Variants in DMAC2L observed in about 807,000 individuals in gnomAD.
DMAC2L encodes the protein distal membrane arm assembly component 2 like.
DMAC2L carries 21 observed loss-of-function variants against 22.5 expected under a neutral mutation model. The ratio of observed to expected loss-of-function variants is 0.93; its 90% CI spans 0.66 to 1.34. The LOEUF (loss-of-function observed/expected upper bound fraction) is 1.34, where lower values mean the gene tolerates loss of function less well. Among genes scored for constraint, DMAC2L ranks in the 40% most tolerant of loss-of-function variants. DMAC2L has a pLI of 0.00. For synonymous variants in DMAC2L, 86 were observed against 89.5 expected (o/e 0.96, Z 0.22); for missense variants, 239 against 246.5 (o/e 0.97, Z 0.20).
intron 5 of DMAC2L, 84 bp from the exon 6 acceptor site, chr14:50,325,525 T>C (rs2032655335): frequency 1.4e-6 from 2 of 1,439,278 alleles, no homozygotes; most frequent in Admixed American, 2.2e-5. Context: ...ATTTTCTACA[T>C]AATTTTCTTT....
intron 2 of DMAC2L, chr14:50,319,396 C>A: frequency 1.3e-6 from 2 of 1,494,210 alleles, no homozygotes; most frequent in Non-Finnish European, 1.8e-6. Flanking sequence ...CCCTCTCAGG[C>A]ATCTTTCTAG....
In DMAC2L at chr14:50,326,042, C is replaced by G. The variant is rs1019060223; in HGVS notation, c.*319C>G. 2.1e-6 allele frequency: 1 copy of G among 487,332 alleles called. No individual in the cohort carries two copies. Among genetic ancestry groups the G allele is most frequent in the Non-Finnish European group, 2.7e-6 (1 of 370,480 alleles). 30.2% of individuals were successfully genotyped at this position (487,332 alleles called of 1,614,324 possible). Reference sequence around the variant, plus strand: ...GTCAGGAGTTCAAGACCAACCATGGCCAACATGGTGAAACCCCATCTCTAC... The same window carrying G: ...GTCAGGAGTTCAAGACCAACCATGGGCAACATGGTGAAACCCCATCTCTAC... On this transcript the variant is annotated 3_prime_UTR_variant, in exon 6 of 6. Coordinates refer to ENST00000557421, the MANE Select transcript of DMAC2L (RefSeq NM_001382507.1).
At chr14:50,324,171 A>G in intron 5 of DMAC2L, 55 bp downstream of exon 5, 2 of 1,506,432 alleles carry the variant, frequency 1.3e-6, no homozygotes, top group Non-Finnish European at 1.8e-6. Flanking sequence ...GTGAATAGTT[A>G]GAATTTAATT....
In DMAC2L at chr14:50,325,719, A is replaced by C. The variant is rs765359072; in HGVS notation, c.599A>C (p.Lys200Thr). The C allele has an allele frequency of 6.2e-7, 1 of 1,609,130 alleles. No homozygotes were observed. Among genetic ancestry groups the C allele is most frequent in the Non-Finnish European group, 8.5e-7 (1 of 1,178,042 alleles). ...TCTCTGGAACTAAAATTACAATTGA[A>C]GTAAAATAATGTGTCTTATTTCAGT... is the stretch of plus-strand genomic sequence containing the variant. ...LPSLELKLQLK is the reference protein window; with the variant it reads ...LPSLELKLQLT Residue 200 changes from lysine to threonine, a missense_variant, in exon 6 of 6, where the codon AAG becomes ACG. Transcript: ENST00000557421.
chr14:50,320,118 G>T (rs1353628905), intron 2 of DMAC2L, among the ~76,000 whole-genome samples: 1 of 152,010 alleles, frequency 6.6e-6, no homozygotes. Context: ...TTGAGATGGA[G>T]TCTCACTCTG....
rs1235742394 is a variant in DMAC2L at position 50,323,999 on chromosome 14, A to G, written c.371A>G (p.Asp124Gly). The G allele has an allele frequency of 1.2e-6, 2 of 1,614,054 alleles. No homozygotes were observed. The highest frequency in any genetic ancestry group is 4.5e-5 in the East Asian group (2 of 44,854). ...IRLCKCHYIE[D>G]DCLLRLSQLE... ...CTGTGCAAGTGTCATTATATCGAGG[A>G]TGACTGTTTGCTGAGACTTAGTCAA... Residue 124 changes from aspartate to glycine, a missense_variant, in exon 5 of 6, where the codon GAT (aspartate) becomes GGT (glycine). Physicochemically the swap from Asp to Gly is moderately conservative, Grantham distance 94 (BLOSUM62 -1). Coordinates refer to ENST00000557421, the MANE Select transcript of DMAC2L (RefSeq NM_001382507.1).
intron 3 of DMAC2L, among the ~76,000 whole-genome samples, chr14:50,322,177 G>A (rs2032328142): frequency 6.6e-6 from 1 of 152,148 alleles, no homozygotes; most frequent in Admixed American, 6.5e-5. Context: ...ACCAAGTATA[G>A]TCATTCGTAG....
rs893791682 is a variant in DMAC2L, at chr14:50,312,329, G to A, written c.-102G>A. The A allele has an allele frequency of 4.7e-6, 4 of 853,760 alleles. No individual in the cohort carries two copies. Among genetic ancestry groups the A allele is most frequent in the African/African-American group, 1.7e-5 (1 of 59,162 alleles). 52.9% of individuals were successfully genotyped at this position (853,760 alleles called of 1,614,324 possible). A position where few individuals can be genotyped will look rare whatever the true frequency, so the allele number is the denominator to read the frequency against. ...CGCGCGCGTCGGAGGGCGAAGGGCC[G>A]GCCAGGGTGCCGCAGACGCGGGGAC... On this transcript the variant is annotated 5_prime_UTR_variant, in exon 1 of 6. Coordinates refer to ENST00000557421, the MANE Select transcript of DMAC2L (RefSeq NM_001382507.1).
At chr14:50,316,606 A>G (rs543007851) in intron 2 of DMAC2L, among the ~76,000 whole-genome samples, 5 of 152,310 alleles carry the variant, frequency 3.3e-5, no homozygotes, top group Non-Finnish European at 7.4e-5. Flanking sequence ...TCATTCTCCT[A>G]CATGTGGCTT....
At position 50,327,446 on chromosome 14, in the gene DMAC2L, T is replaced by C. The variant is rs1191016379; in HGVS notation, c.*1723T>C. The stretch of plus-strand genomic sequence containing the variant: ...GCCAGTTTGTTTATAGATTTCTGTG[T>C]GTTTGATTTGAACTTTTTTTTTTTT... On this transcript the variant is annotated 3_prime_UTR_variant, in exon 6 of 6. Transcript: ENST00000557421. The C allele has an allele frequency of 2.0e-5, 3 of 151,164 alleles. No individual in the cohort carries two copies. Among genetic ancestry groups the C allele is most frequent in the South Asian group, 4.2e-4 (2 of 4,800 alleles). 9.4% of individuals were successfully genotyped at this position (151,164 alleles called of 1,614,324 possible).
At chr14:50,325,469 C>A in intron 5 of DMAC2L, 140 bp from the exon 6 acceptor site, 1 of 930,066 alleles carries the variant, frequency 1.1e-6, no homozygotes, top group Non-Finnish European at 1.5e-6. Context: ...ATCTCTAAGG[C>A]TACTGCTCTA....
At chr14:50,321,395 C>T (rs2032257994) in intron 2 of DMAC2L, 88 bp from the exon 3 acceptor site, 1 of 1,484,436 alleles carries the variant, frequency 6.7e-7, no homozygotes, top group Non-Finnish European at 9.0e-7. Flanking sequence ...TCAGCTTTAT[C>T]AGTACAAGAG....
chr14:50,314,668 G>A (rs1227161883), intron 2 of DMAC2L, 42 bp downstream of exon 2: 1 of 453,756 alleles, frequency 2.2e-6, no homozygotes, highest in African/African-American at 2.0e-5. Context: ...TTGAGACAGG[G>A]TTATGCTCTG....
chr14:50,326,228 A>ATT lies in DMAC2L; in HGVS notation c.*505_*506insTT, dbSNP rs2032695281. ...TGGGTGACAGAGCGAGACTGTCTCAAAAAAAAAAAAAAAAGAAAAATGTAA... is the reference window on the plus strand; with the variant it reads ...TGGGTGACAGAGCGAGACTGTCTCAATTAAAAAAAAAAAAAAGAAAAATGTAA... On this transcript the variant is annotated 3_prime_UTR_variant, in exon 6 of 6. Transcript: ENST00000557421. The ATT allele has an allele frequency of 1.2e-5, 1 of 86,950 alleles. No individual in the cohort carries two copies. The highest frequency in any genetic ancestry group is 4.3e-4 in the South Asian group (1 of 2,334). 5.4% of individuals were successfully genotyped at this position (86,950 alleles called of 1,614,324 possible).
intron 1 of DMAC2L, chr14:50,312,985 C>T (rs2031387607): frequency 5.6e-6 from 9 of 1,613,930 alleles, no homozygotes; most frequent in South Asian, 2.2e-5. Context: ...AAGTCTGTGT[C>T]CTTTTCTTGA....
intron 2 of DMAC2L, among the ~76,000 whole-genome samples, chr14:50,317,144 C>G (rs2031871613): frequency 2.0e-5 from 3 of 152,032 alleles, no homozygotes; most frequent in Admixed American, 1.3e-4. Flanking sequence ...AGAGGTCATT[C>G]ACCTCCTTGG....
Position 50,326,290 on chromosome 14 carries a change from T to A in DMAC2L, c.*567T>A. The A allele has an allele frequency of 2.2e-6, 1 of 460,624 alleles. No homozygotes were observed. The highest frequency in any genetic ancestry group is 2.9e-6 in the Non-Finnish European group (1 of 350,838). The allele number at this position is 460,624 out of a possible 1,614,324, so 28.5% of individuals were successfully genotyped here. On this transcript the variant is annotated 3_prime_UTR_variant, in exon 6 of 6. Coordinates refer to ENST00000557421, the MANE Select transcript of DMAC2L (RefSeq NM_001382507.1). The stretch of plus-strand genomic sequence containing the variant: ...TTTTAATTCTAATATATTCATTTAA[T>A]ATGTAAATCTATAGATATCTCTTGA...
At chr14:50,322,396 C>A in intron 3 of DMAC2L, 115 bp from the exon 4 acceptor site, 2 of 1,140,116 alleles carry the variant, frequency 1.8e-6, no homozygotes, top group Non-Finnish European at 2.4e-6. Flanking sequence ...TTATCTTCCT[C>A]GTCAGTCACT....
chr14:50,312,547 C>T, intron 1 of DMAC2L, 158 bp downstream of exon 1: 1 of 315,950 alleles, frequency 3.2e-6, no homozygotes, highest in Non-Finnish European at 5.9e-6. Flanking sequence ...GTGGGAGAAA[C>T]TCTGGGCGGG....
Sources: gnomAD v4.1 joint callset for allele counts (sites outside exome capture counted in the v4.1 genomes callset) on GRCh38, gnomAD v4.1.1 for gene constraint, MANE v1.5 for transcripts, NCBI Gene and HGNC (gene_info 2026-07-23, HGNC 2026-07-21) for gene names.